Variants in RAP1GDS1 observed in about 807,000 individuals in gnomAD.
RAP1GDS1 encodes the protein Rap1 GTPase-GDP dissociation stimulator 1.
In RAP1GDS1, 35 loss-of-function variants were observed where a neutral mutation model predicts 71.1. The observed-to-expected ratio is 0.49, with a 90% CI of 0.38 to 0.65. The LOEUF (loss-of-function observed/expected upper bound fraction) is 0.65. Among genes scored for constraint, RAP1GDS1 ranks in the 30% least tolerant of loss-of-function variants. The probability of loss-of-function intolerance (pLI) is 0.00; values close to 1 mark genes in which losing one functional copy is unlikely to be tolerated. For synonymous variants in RAP1GDS1, 229 were observed against 243.1 expected, an observed-to-expected ratio of 0.94 and a Z score of 0.54; for missense variants, 663 against 706.1, an observed-to-expected ratio of 0.94 and a Z score of 0.69.
At chr4:98,296,462 G>T (rs1371912335) in intron 2 of RAP1GDS1, among the ~76,000 whole-genome samples, 1 of 151,952 alleles carries the variant, frequency 6.6e-6, no homozygotes, top group Non-Finnish European at 1.5e-5. Flanking sequence ...GAGACAAGAA[G>T]ATTTGAATAC....
chr4:98,271,682 T>C (rs754657694), intron 1 of RAP1GDS1, among the ~76,000 whole-genome samples: 91 of 152,298 alleles, frequency 6.0e-4, no homozygotes, highest in Non-Finnish European at 8.7e-4. Flanking sequence ...ATTTAATAAT[T>C]ATATCTCATG....
At chr4:98,283,280 G>GA (rs1053117475) in intron 1 of RAP1GDS1, among the ~76,000 whole-genome samples, 16 of 152,208 alleles carry the variant, frequency 1.1e-4, no homozygotes, top group African/African-American at 3.9e-4. Flanking sequence ...TTAGAGCAAA[G>GA]AAAAAATAGT....
chr4:98,356,405 A>G (rs945441971), intron 4 of RAP1GDS1, among the ~76,000 whole-genome samples: 1 of 152,080 alleles, frequency 6.6e-6, no homozygotes, highest in Non-Finnish European at 1.5e-5. Flanking sequence ...AAAAAGCTTT[A>G]TGTTAAATTC....
intron 5 of RAP1GDS1, among the ~76,000 whole-genome samples, chr4:98,387,271 C>T (rs1271418586): frequency 6.6e-6 from 1 of 152,096 alleles, no homozygotes; most frequent in East Asian, 1.9e-4. Context: ...ATAAGGTAAA[C>T]CTGTTATAAT....
chr4:98,332,419 A>G (rs1734139282), intron 2 of RAP1GDS1, among the ~76,000 whole-genome samples: 1 of 152,222 alleles, frequency 6.6e-6, no homozygotes, highest in South Asian at 2.1e-4. Context: ...GTTTCAGGTC[A>G]CAAAAACAGA....
At chr4:98,378,319 T>G (rs1741480962) in intron 4 of RAP1GDS1, among the ~76,000 whole-genome samples, 1 of 151,954 alleles carries the variant, frequency 6.6e-6, no homozygotes, top group African/African-American at 2.4e-5. Context: ...ATGGAAGTTA[T>G]GTTTGACCAT....
chr4:98,347,657 T>G (rs559304470), intron 3 of RAP1GDS1, among the ~76,000 whole-genome samples: 13 of 152,214 alleles, frequency 8.5e-5, no homozygotes, highest in Non-Finnish European at 1.8e-4. Flanking sequence ...GTATCTTGGT[T>G]TCAGCCTCTT....
chr4:98,354,087 G>A lies in RAP1GDS1; in HGVS notation c.361+1486G>A, dbSNP rs1737603737. The stretch of plus-strand genomic sequence containing the variant: ...TTTTTTTTTTTTGAGACGGAGTCTC[G>A]CTCTGTCGCCCAGGCCGGACTGCGG... On this transcript the variant is annotated intron_variant, in intron 4 of 14. Transcript: ENST00000408927. Among the ~76,000 whole-genome samples the A allele has an allele frequency of 3.5e-5, 5 of 141,168 alleles. No individual in the cohort carries two copies. The South Asian group carries it at 8.8e-4, about 25-fold the overall frequency. The allele number at this position is 141,168 out of a possible 152,430, so 92.6% of individuals were successfully genotyped here.
At position 98,443,738 on chromosome 4, in the gene RAP1GDS1, C is replaced by A. The variant is rs973926521; in HGVS notation, c.*1621C>A. 2.1e-5 allele frequency: 4 copies of A among 193,278 alleles called. No individual in the cohort carries two copies. Among genetic ancestry groups the A allele is most frequent in the Non-Finnish European group, 4.3e-5 (4 of 92,736 alleles). The allele number at this position is 193,278 out of a possible 1,614,324, so 12.0% of individuals were successfully genotyped here. A position where few individuals can be genotyped will look rare whatever the true frequency, so the allele number is the denominator to read the frequency against. On this transcript the variant is annotated 3_prime_UTR_variant, in exon 15 of 15. Transcript: ENST00000408927. ...TGCTACACTTACTATAAGAATGATACTGTTTGTTGTCTTTCTCCTGGGCTG... is the reference window on the plus strand; with the variant it reads ...TGCTACACTTACTATAAGAATGATAATGTTTGTTGTCTTTCTCCTGGGCTG...
intron 7 of RAP1GDS1, among the ~76,000 whole-genome samples, chr4:98,406,288 A>G (rs955013433): frequency 6.6e-6 from 1 of 151,978 alleles, no homozygotes; most frequent in Non-Finnish European, 1.5e-5. Context: ...AAAATAAATA[A>G]CTATACTACT....
intron 2 of RAP1GDS1, among the ~76,000 whole-genome samples, chr4:98,339,972 A>G (rs1439535433): frequency 6.6e-6 from 1 of 151,806 alleles, no homozygotes; most frequent in Non-Finnish European, 1.5e-5. Flanking sequence ...CATGTACCCA[A>G]AGGAATAGAA....
intron 2 of RAP1GDS1, among the ~76,000 whole-genome samples, chr4:98,341,534 T>C (rs1735500698): frequency 6.6e-6 from 1 of 152,236 alleles, no homozygotes; most frequent in Non-Finnish European, 1.5e-5. Context: ...TCATATCTAA[T>C]CATGATTCAT....
At chr4:98,283,889 A>G (rs1309917488) in intron 1 of RAP1GDS1, among the ~76,000 whole-genome samples, 2 of 151,342 alleles carry the variant, frequency 1.3e-5, no homozygotes, top group Non-Finnish European at 2.9e-5. Context: ...CAACTAGCTA[A>G]CGTGTTTGGA....
chr4:98,265,607 TAGATC>T (rs1722617839), intron 1 of RAP1GDS1, among the ~76,000 whole-genome samples: 1 of 152,134 alleles, frequency 6.6e-6, no homozygotes, highest in African/African-American at 2.4e-5. Flanking sequence ...TATTTGAAGT[TAGATC>T]AGAGGACAAG....
At chr4:98,441,308 T>C (rs1252019673) in intron 14 of RAP1GDS1, 1 of 970,462 alleles carries the variant, frequency 1.0e-6, no homozygotes, top group African/African-American at 1.8e-5. Flanking sequence ...TCCTATATTT[T>C]CTTGTAATTG....
At chr4:98,367,255 A>G (rs1201205565) in intron 4 of RAP1GDS1, among the ~76,000 whole-genome samples, 1 of 152,204 alleles carries the variant, frequency 6.6e-6, no homozygotes, top group African/African-American at 2.4e-5. Context: ...GGCAGCTTCT[A>G]TGTGGTGTTG....
intron 1 of RAP1GDS1, among the ~76,000 whole-genome samples, chr4:98,275,279 A>C (rs867245780): frequency 6.6e-6 from 1 of 152,132 alleles, no homozygotes; most frequent in South Asian, 2.1e-4. Flanking sequence ...AGGAAGATCA[A>C]ATGTGGTATA....
chr4:98,331,282 A>G (rs1043246528), intron 2 of RAP1GDS1, among the ~76,000 whole-genome samples: 1 of 151,610 alleles, frequency 6.6e-6, no homozygotes, highest in Non-Finnish European at 1.5e-5. Context: ...GAGACCATGG[A>G]AAGCGGGAGA....
At chr4:98,350,624 G>A (rs138978151) in intron 3 of RAP1GDS1, among the ~76,000 whole-genome samples, 2,155 of 152,228 alleles carry the variant, frequency 0.014, 52 homozygotes, top group African/African-American at 0.049. Context: ...TGGATCACGA[G>A]GTCAGGAGTT....
Sources: gnomAD v4.1 joint callset for allele counts (sites outside exome capture counted in the v4.1 genomes callset) on GRCh38, gnomAD v4.1.1 for gene constraint, MANE v1.5 for transcripts, NCBI Gene and HGNC (gene_info 2026-07-23, HGNC 2026-07-21) for gene names.